MLLT10: variants seen among roughly 807,000 people sequenced by gnomAD.
The protein encoded by MLLT10 is MLLT10 histone lysine methyltransferase DOT1L cofactor.
A neutral mutation model predicts 129.1 loss-of-function variants in MLLT10; 30 were observed. That is an observed-to-expected ratio of 0.23 (90% confidence interval 0.17 to 0.32). The LOEUF (loss-of-function observed/expected upper bound fraction) is 0.32, where lower values mean the gene tolerates loss of function less well. Among genes scored for constraint, MLLT10 ranks in the 10% least tolerant of loss-of-function variants. MLLT10 has a pLI of 1.00. For missense variants in MLLT10, 1,119 were observed against 1,268.3 expected (o/e 0.88, Z 1.79); for synonymous variants, 490 against 446.4 (o/e 1.10, Z -1.23).
chr10:21,557,190 C>T (rs2038143867), intron 3 of MLLT10: 2 of 1,287,804 alleles, frequency 1.6e-6, no homozygotes, highest in Non-Finnish European at 2.0e-6. Context: ...CTTCAAATGC[C>T]TACTGTGTTG....
chr10:21,732,868 C>A, intron 17 of MLLT10, 31 bp from the exon 18 acceptor site: 1 of 1,592,446 alleles, frequency 6.3e-7, no homozygotes, highest in South Asian at 1.1e-5. Context: ...GTGTACTTGT[C>A]ATTATTAAAA....
chr10:21,717,459 CTGTT>C (rs904901980), intron 14 of MLLT10, among the ~76,000 whole-genome samples: 1 of 148,070 alleles, frequency 6.8e-6, no homozygotes, highest in African/African-American at 2.5e-5. Context: ...CTTTAAAAAA[CTGTT>C]TGATTTTATA....
chr10:21,624,757 G>T lies in MLLT10; in HGVS notation c.699+7550G>T. On this transcript the variant is annotated intron_variant, in intron 8 of 22. Coordinates refer to ENST00000307729, the MANE Select transcript of MLLT10 (RefSeq NM_001195626.3). The stretch of plus-strand genomic sequence containing the variant: ...GACGATGCTTGGAATCAGGTTGGTT[G>T]TAAGCATCTGCCTTCTCTTGCGTCC... The T allele has an allele frequency of 7.7e-6, 9 of 1,175,304 alleles. No homozygotes were observed. In the South Asian group the frequency reaches 1.2e-4, roughly 16 times the overall value. The allele number at this position is 1,175,304 out of a possible 1,614,324, so 72.8% of individuals were successfully genotyped here.
rs137878878 is a variant in MLLT10 at position 21,551,887 on chromosome 10, C to T, written c.240+12975C>T. ...TCAGCCCACTGCAACCTCTGCTCCCCGGGTTCAAGCGATTCTCCTGCCTCA... is the reference window on the plus strand; with the variant it reads ...TCAGCCCACTGCAACCTCTGCTCCCTGGGTTCAAGCGATTCTCCTGCCTCA... On this transcript the variant is annotated intron_variant, in intron 3 of 22. Coordinates refer to ENST00000307729, the MANE Select transcript of MLLT10 (RefSeq NM_001195626.3). The T allele has an allele frequency of 3.5e-3, 1,218 of 344,516 alleles. 1 individual carries two copies. Among genetic ancestry groups the T allele is most frequent in the Middle Eastern group, 7.2e-3 (7 of 970 alleles). 21.3% of individuals were successfully genotyped at this position (344,516 alleles called of 1,614,324 possible).
chr10:21,622,831 C>T (rs752946739), intron 8 of MLLT10, among the ~76,000 whole-genome samples: 8 of 152,176 alleles, frequency 5.3e-5, no homozygotes, highest in South Asian at 2.1e-4. Context: ...CTGGGTCCCA[C>T]GAGACTGCCC....
chr10:21,701,337 T>C (rs2054890541), intron 13 of MLLT10, among the ~76,000 whole-genome samples: 1 of 151,374 alleles, frequency 6.6e-6, no homozygotes, highest in African/African-American at 2.4e-5. Flanking sequence ...ATCTTCATTA[T>C]ATCTTTTCTT....
At chr10:21,739,333 C>T (rs1350045758) in intron 21 of MLLT10, among the ~76,000 whole-genome samples, 1 of 152,290 alleles carries the variant, frequency 6.6e-6, no homozygotes, top group East Asian at 1.9e-4. Context: ...CACCTGCCCC[C>T]ATATCCACCC....
intron 4 of MLLT10, among the ~76,000 whole-genome samples, chr10:21,587,157 T>TGA (rs1013369363): frequency 2.6e-4 from 39 of 152,008 alleles, no homozygotes; most frequent in Non-Finnish European, 5.0e-4. Context: ...CCCAGCTCTT[T>TGA]GAGAGGCCAA....
intron 3 of MLLT10, among the ~76,000 whole-genome samples, chr10:21,566,764 C>CT (rs879423542): frequency 1.6e-4 from 24 of 150,650 alleles, no homozygotes; most frequent in African/African-American, 3.2e-4. Flanking sequence ...TGTTTTGTAT[C>CT]TTTTTTTTTA....
rs772052439 is a variant in MLLT10, at chr10:21,556,658, T to C, written c.240+17746T>C. 11 of 1,611,322 alleles carry C rather than the reference T, an allele frequency of 6.8e-6. No homozygotes were observed. The East Asian group carries it at 1.1e-4, about 16-fold the overall frequency. On this transcript the variant is annotated intron_variant, in intron 3 of 22. Coordinates refer to ENST00000307729, the MANE Select transcript of MLLT10 (RefSeq NM_001195626.3). ...TGCTTTTCAGATGGTATGCAATTCC[T>C]GTTGGTTAGCCTCATCTGAAAACGT...
chr10:21,708,740 A>G (rs1340579781), intron 13 of MLLT10: 2 of 985,346 alleles, frequency 2.0e-6, no homozygotes, highest in Non-Finnish European at 2.4e-6. Context: ...GCTTCTCAAT[A>G]TTATTCTTCC....
chr10:21,689,546 AATATATATATATATATATGTAT>A (rs1323012351), intron 13 of MLLT10, among the ~76,000 whole-genome samples: 8 of 108,334 alleles, frequency 7.4e-5, no homozygotes, highest in African/African-American at 2.3e-4. Flanking sequence ...TGTGTAAAGT[AATATATATATATATATATGTAT>A]ATATATATAT....
At chr10:21,680,939 G>C (rs1441451021) in intron 11 of MLLT10, among the ~76,000 whole-genome samples, 1 of 151,088 alleles carries the variant, frequency 6.6e-6, no homozygotes, top group African/African-American at 2.4e-5. Context: ...CTGGGCAACA[G>C]AGTGAGACTT....
At chr10:21,580,710 CT>C (rs1159064130) in intron 3 of MLLT10, among the ~76,000 whole-genome samples, 3 of 148,862 alleles carry the variant, frequency 2.0e-5, no homozygotes, top group Non-Finnish European at 1.5e-5. Flanking sequence ...ATTTTCTTTT[CT>C]TTTTTTTTGA....
chr10:21,635,114 C>G (rs1331575253), intron 8 of MLLT10, among the ~76,000 whole-genome samples: 3 of 152,204 alleles, frequency 2.0e-5, no homozygotes, highest in African/African-American at 7.2e-5. Context: ...ATGCGCTTAC[C>G]TGTTACTGGC....
At chr10:21,697,593 T>C (rs1033265384) in intron 13 of MLLT10, among the ~76,000 whole-genome samples, 1 of 152,186 alleles carries the variant, frequency 6.6e-6, no homozygotes, top group African/African-American at 2.4e-5. Flanking sequence ...TGAGTAAAAA[T>C]GTTCATCTTT....
At position 21,726,681 on chromosome 10, in the gene MLLT10, C is replaced by CTTTTTTTTTTTT. The variant is rs35036202; in HGVS notation, c.1990+340_1990+351dup. Among the ~76,000 whole-genome samples the CTTTTTTTTTTTT allele has an allele frequency of 2.7e-4, 24 of 87,606 alleles. 1 individual carries two copies. The highest frequency in any genetic ancestry group is 8.3e-4 in the African/African-American group (19 of 22,944). The allele number at this position is 87,606 out of a possible 152,430, so 57.5% of individuals were successfully genotyped here. ...TGCTGTGCTGCAAAATAGCAATGTCCTTTTTTTTTTTTTTTTTTTTTTTTT... is the reference window on the plus strand; with the variant it reads ...TGCTGTGCTGCAAAATAGCAATGTCCTTTTTTTTTTTTTTTTTTTTTTTTTTTTTTTTTTTTT... On this transcript the variant is annotated intron_variant, in intron 15 of 22. Transcript: ENST00000307729.
chr10:21,673,561 T>C lies in MLLT10; in HGVS notation c.1263T>C (p.Pro421=). The change falls in exon 11 of 23, where the codon CCT becomes CCC. Residue 421 remains proline (P), a synonymous_variant. Transcript: ENST00000307729. ...GTTTTAGTACCTTAATTGGCCTCCC[T>C]TCAACCTCAGCTGTTACTTCACAGC... ...VNSFSTLIGL[P]STSAVTSQPK... 1 of 1,613,336 alleles carries C rather than the reference T, an allele frequency of 6.2e-7. No individual in the cohort carries two copies. Among genetic ancestry groups the C allele is most frequent in the Non-Finnish European group, 8.5e-7 (1 of 1,179,724 alleles).
At chr10:21,668,061 A>G (rs1204103241) in intron 9 of MLLT10, among the ~76,000 whole-genome samples, 1 of 152,158 alleles carries the variant, frequency 6.6e-6, no homozygotes, top group African/African-American at 2.4e-5. Flanking sequence ...TCTCCAGTAG[A>G]AAACAACAAC....
Sources: allele counts gnomAD v4.1 joint callset (sites outside exome capture counted in the v4.1 genomes callset), GRCh38; gene constraint gnomAD v4.1.1; transcripts MANE v1.5; gene names NCBI Gene and HGNC (gene_info 2026-07-23, HGNC 2026-07-21).